The following MYOCD variants were observed in gnomAD, a reference collection of about 807,000 sequenced individuals.
MYOCD encodes the protein myocardin.
A neutral mutation model predicts 96.1 loss-of-function variants in MYOCD; 32 were observed. That is an observed-to-expected ratio of 0.33 (90% CI 0.25 to 0.45). The LOEUF is 0.45. Among genes scored for constraint, MYOCD ranks in the 20% least tolerant of loss-of-function variants. MYOCD has a pLI of 1.00. For missense variants in MYOCD, 1,133 were observed against 1,200.6 expected, an observed-to-expected ratio of 0.94 and a Z score of 0.83; for synonymous variants, 469 against 469.0, an observed-to-expected ratio of 1.00 and a Z score of 0.00.
At chr17:12,741,621 A>T (rs915005211) in intron 7 of MYOCD, among the ~76,000 whole-genome samples, 50 of 152,030 alleles carry the variant, frequency 3.3e-4, no homozygotes, top group African/African-American at 1.1e-3. Context: ...AGGCAGGATA[A>T]TCGCTTGAAC....
At chr17:12,698,000 T>C (rs760633555) in intron 1 of MYOCD, among the ~76,000 whole-genome samples, 30 of 152,026 alleles carry the variant, frequency 2.0e-4, no homozygotes, top group Non-Finnish European at 3.4e-4. Flanking sequence ...AGGCAAACAA[T>C]GTGAATGCAT....
intron 7 of MYOCD, among the ~76,000 whole-genome samples, chr17:12,743,423 C>G (rs1486172268): frequency 2.4e-4 from 36 of 149,824 alleles, no homozygotes; most frequent in Non-Finnish European, 1.5e-5. Flanking sequence ...TAGTTTATGT[C>G]ATTAATAAGT....
In MYOCD at chr17:12,760,714, C is replaced by T. The variant is rs769422392; in HGVS notation, c.2389+7C>T. The T allele has an allele frequency of 6.2e-7, 1 of 1,611,984 alleles. No homozygotes were observed. Among genetic ancestry groups the T allele is most frequent in the Admixed American group, 1.7e-5 (1 of 59,970 alleles). Reference sequence around the variant, plus strand: ...GTGCTTATTGAAAGCGGAGGTAAGACTGCCTGTGTCCTGTCCATTAGGACA... The same window carrying T: ...GTGCTTATTGAAAGCGGAGGTAAGATTGCCTGTGTCCTGTCCATTAGGACA... On this transcript the variant is annotated splice_region_variant and intron_variant, in intron 13 of 13. Transcript: ENST00000425538.
intron 1 of MYOCD, among the ~76,000 whole-genome samples, chr17:12,676,892 T>G (rs1489347265): frequency 6.6e-6 from 1 of 152,210 alleles, no homozygotes; most frequent in African/African-American, 2.4e-5. Flanking sequence ...CCCTCTACTT[T>G]TCTATGTGTA....
At position 12,752,813 on chromosome 17, in the gene MYOCD, G is replaced by C. The variant is rs1214423411; in HGVS notation, c.1525G>C (p.Glu509Gln). The C allele has an allele frequency of 6.2e-7, 1 of 1,613,978 alleles. No individual in the cohort carries two copies. Among genetic ancestry groups the C allele is most frequent in the Non-Finnish European group, 8.5e-7 (1 of 1,180,012 alleles). ...CCTGAATGGGGGCTCTGTTCCTTCT[G>C]AGCTGGATGGGCTGGACTCCGAGAA... ...SSLNGGSVPS[E>Q]LDGLDSEKDK... is the part of the protein sequence containing the mutation. The change falls in exon 10 of 14, where the codon GAG (glutamate) becomes CAG (glutamine). Residue 509 changes from glutamate to glutamine, a missense_variant. Physicochemically the swap from Glu to Gln is conservative, Grantham distance 29. Transcript: ENST00000425538.
intron 11 of MYOCD, among the ~76,000 whole-genome samples, chr17:12,756,951 A>C (rs188782771): frequency 6.6e-6 from 1 of 152,276 alleles, no homozygotes; most frequent in Non-Finnish European, 1.5e-5. Context: ...AAGTTTTCCC[A>C]AGGAGTCATT....
chr17:12,685,222 C>T (rs1388246909), intron 1 of MYOCD, among the ~76,000 whole-genome samples: 5 of 151,888 alleles, frequency 3.3e-5, no homozygotes, highest in Non-Finnish European at 7.4e-5. Context: ...ATGTTTAAAC[C>T]GAGGAGAGAG....
intron 1 of MYOCD, among the ~76,000 whole-genome samples, chr17:12,694,881 C>CA (rs201215491): frequency 0.15 from 10,411 of 68,614 alleles, 297 homozygotes; most frequent in Middle Eastern, 0.21. Context: ...AAGGAATAAC[C>CA]AAAAAAAAAA....
At chr17:12,712,726 G>A (rs1218663059) in intron 2 of MYOCD, among the ~76,000 whole-genome samples, 1 of 152,176 alleles carries the variant, frequency 6.6e-6, no homozygotes, top group Non-Finnish European at 1.5e-5. Flanking sequence ...TTCCTCCAGG[G>A]AGAATGAGTT....
Position 12,765,928 on chromosome 17 carries a change from A to G in MYOCD, c.*2284A>G, listed in dbSNP as rs2033326921. On this transcript the variant is annotated 3_prime_UTR_variant, in exon 14 of 14. Transcript: ENST00000425538. ...TTTTATCTGTATTGTGCTTTAAAAG[A>G]TCCACATGGTAAATTTTTTATTTTG... The G allele has an allele frequency of 6.6e-6, 1 of 152,250 alleles. No individual in the cohort carries two copies. Among genetic ancestry groups the G allele is most frequent in the South Asian group, 2.1e-4 (1 of 4,836 alleles). The allele number at this position is 152,250 out of a possible 1,614,324, so 9.4% of individuals were successfully genotyped here. A position where few individuals can be genotyped will look rare whatever the true frequency, so the allele number is the denominator to read the frequency against.
At position 12,736,167 on chromosome 17, in the gene MYOCD, A is replaced by T; in HGVS notation, c.422A>T (p.Gln141Leu). The stretch of plus-strand genomic sequence containing the variant: ...CTGGATTTCACCCCCTCAGGTAACC[A>T]GGTGAGTTTCTCCAAATCCACGGAT... ...SAVKEAIKGN[Q>L]VSFSKSTDAF... Residue 141 changes from glutamine (Q) to leucine (L), a missense_variant, in exon 6 of 14, where the codon CAG becomes CTG. Gln to Leu is a moderately radical substitution (Grantham distance 113). Transcript: ENST00000425538. 1 of 1,614,002 alleles carries T rather than the reference A, an allele frequency of 6.2e-7. No individual in the cohort carries two copies.
chr17:12,682,402 A>G (rs1455232010), intron 1 of MYOCD, among the ~76,000 whole-genome samples: 1 of 152,180 alleles, frequency 6.6e-6, no homozygotes, highest in Non-Finnish European at 1.5e-5. Flanking sequence ...GAAGTTATCC[A>G]TTCATCAGCC....
intron 5 of MYOCD, among the ~76,000 whole-genome samples, chr17:12,733,887 A>C (rs543365320): frequency 1.3e-5 from 2 of 151,152 alleles, no homozygotes; most frequent in African/African-American, 4.9e-5. Context: ...AAAAGAAAAA[A>C]AGAAAGAAAT....
At chr17:12,681,362 G>A (rs1345361240) in intron 1 of MYOCD, among the ~76,000 whole-genome samples, 2 of 152,226 alleles carry the variant, frequency 1.3e-5, no homozygotes, top group Admixed American at 6.5e-5. Flanking sequence ...AAACCTGGCA[G>A]CTTTGTGAGT....
chr17:12,683,645 A>G, intron 1 of MYOCD, among the ~76,000 whole-genome samples: 1 of 152,170 alleles, frequency 6.6e-6, no homozygotes, highest in Non-Finnish European at 1.5e-5. Flanking sequence ...TGGGCCTGAC[A>G]ACTCCTTTTA....
chr17:12,721,101 T>A (rs1042236844), intron 4 of MYOCD, among the ~76,000 whole-genome samples: 1 of 152,066 alleles, frequency 6.6e-6, no homozygotes, highest in Non-Finnish European at 1.5e-5. Context: ...CACACTTTTT[T>A]TTTTTAGCAT....
intron 1 of MYOCD, among the ~76,000 whole-genome samples, chr17:12,703,755 T>G (rs1297178748): frequency 6.6e-6 from 1 of 152,178 alleles, no homozygotes; most frequent in Non-Finnish European, 1.5e-5. Flanking sequence ...CTGCTCATTT[T>G]TTTTTCATCT....
chr17:12,727,193 GA>G (rs1266081402), intron 5 of MYOCD, among the ~76,000 whole-genome samples: 1 of 152,212 alleles, frequency 6.6e-6, no homozygotes, highest in African/African-American at 2.4e-5. Context: ...AATGGCTAGA[GA>G]AAGAGGCAGA....
At chr17:12,676,292 C>G (rs539400187) in intron 1 of MYOCD, among the ~76,000 whole-genome samples, 120 of 124,800 alleles carry the variant, frequency 9.6e-4, no homozygotes, top group Middle Eastern at 4.2e-3. Flanking sequence ...CACACACACA[C>G]AGAAATGTCT....
Sources: gnomAD v4.1 joint callset for allele counts (sites outside exome capture counted in the v4.1 genomes callset) on GRCh38, gnomAD v4.1.1 for gene constraint, MANE v1.5 for transcripts, NCBI Gene and HGNC (gene_info 2026-07-23, HGNC 2026-07-21) for gene names.